The following SNTG1 variants were observed in gnomAD, a reference collection of about 807,000 sequenced individuals.
SNTG1 encodes the protein gamma-1-syntrophin.
In SNTG1, 39 loss-of-function variants were observed where a neutral mutation model predicts 74.7. The observed-to-expected ratio is 0.52, with a 90% CI of 0.40 to 0.68. The LOEUF is 0.68. SNTG1 is among the 30% of genes least tolerant of loss of function. The probability of loss-of-function intolerance (pLI) is 0.00; values close to 1 mark genes in which losing one functional copy is unlikely to be tolerated. For missense variants in SNTG1, 685 were observed against 609.5 expected (o/e 1.12, Z -1.30); for synonymous variants, 254 against 217.1 (o/e 1.17, Z -1.49).
chr8:50,698,372 A>C (rs1025589873), intron 15 of SNTG1, among the ~76,000 whole-genome samples: 6 of 152,124 alleles, frequency 3.9e-5, no homozygotes, highest in African/African-American at 1.2e-4. Context: ...TCACTTAGTT[A>C]GTGCAGTTTA....
chr8:50,188,163 T>C (rs1351076981), intron 2 of SNTG1, among the ~76,000 whole-genome samples: 1 of 152,156 alleles, frequency 6.6e-6, no homozygotes, highest in Non-Finnish European at 1.5e-5. Flanking sequence ...CTTTATGGTG[T>C]TCCATTCAGT....
chr8:50,195,163 G>T (rs1436044913), intron 2 of SNTG1, among the ~76,000 whole-genome samples: 1 of 152,076 alleles, frequency 6.6e-6, no homozygotes, highest in Non-Finnish European at 1.5e-5. Context: ...CACTGGAGTT[G>T]TGTACCTGGA....
In SNTG1 at chr8:50,796,387, T is replaced by C. The variant is rs997692978; in HGVS notation, c.*3558T>C. 1.3e-5 allele frequency: 2 copies of C among 151,992 alleles called. No individual in the cohort carries two copies. Among genetic ancestry groups the C allele is most frequent in the African/African-American group, 4.8e-5 (2 of 41,440 alleles). The allele number at this position is 151,992 out of a possible 1,614,324, so 9.4% of individuals were successfully genotyped here. ...AAAATTGTTCTTTATTGTTTATTCT[T>C]ACTACCGAATACTTTAAAATCATAA... On this transcript the variant is annotated 3_prime_UTR_variant, in exon 19 of 19. Coordinates refer to ENST00000642720, the MANE Select transcript of SNTG1 (RefSeq NM_018967.5).
At chr8:50,338,919 T>C (rs2091236122) in intron 2 of SNTG1, among the ~76,000 whole-genome samples, 1 of 152,018 alleles carries the variant, frequency 6.6e-6, no homozygotes, top group Non-Finnish European at 1.5e-5. Flanking sequence ...GGTACCAAAC[T>C]TCAGATACTG....
chr8:49,959,446 C>G (rs1467042620), intron 1 of SNTG1, among the ~76,000 whole-genome samples: 2 of 149,644 alleles, frequency 1.3e-5, no homozygotes, highest in African/African-American at 4.9e-5. Flanking sequence ...AGCAGTCACT[C>G]CCCACTGCCC....
At chr8:50,109,835 C>T (rs1000330447) in intron 1 of SNTG1, among the ~76,000 whole-genome samples, 14 of 152,102 alleles carry the variant, frequency 9.2e-5, no homozygotes, top group African/African-American at 2.2e-4. Flanking sequence ...GCCAGTGTGC[C>T]GGCAACAGCC....
At chr8:49,943,099 C>A (rs959838474) in intron 1 of SNTG1, among the ~76,000 whole-genome samples, 1 of 152,174 alleles carries the variant, frequency 6.6e-6, no homozygotes, top group African/African-American at 2.4e-5. Context: ...TAATGCAATA[C>A]TCCTTTATTT....
chr8:50,457,681 G>A (rs1039407482), intron 8 of SNTG1, among the ~76,000 whole-genome samples: 2 of 152,134 alleles, frequency 1.3e-5, no homozygotes, highest in Non-Finnish European at 2.9e-5. Context: ...GAATCCTGAA[G>A]GGCCAAGGGG....
intron 1 of SNTG1, among the ~76,000 whole-genome samples, chr8:49,986,179 G>A (rs1454369045): frequency 2.0e-5 from 3 of 152,088 alleles, no homozygotes; most frequent in Non-Finnish European, 4.4e-5. Flanking sequence ...AAATAAAAAA[G>A]GGGAAAAATA....
intron 2 of SNTG1, among the ~76,000 whole-genome samples, chr8:50,255,297 C>T (rs1032100491): frequency 6.6e-6 from 1 of 152,158 alleles, no homozygotes; most frequent in African/African-American, 2.4e-5. Flanking sequence ...GTTTCCTTAA[C>T]TCTAGTAAGT....
chr8:50,483,913 T>A (rs2093761335), intron 8 of SNTG1, among the ~76,000 whole-genome samples: 1 of 152,170 alleles, frequency 6.6e-6, no homozygotes, highest in South Asian at 2.1e-4. Flanking sequence ...TACTTAAATG[T>A]GGTACATAGT....
At chr8:50,593,711 T>C (rs1048024515) in intron 13 of SNTG1, among the ~76,000 whole-genome samples, 1 of 151,166 alleles carries the variant, frequency 6.6e-6, no homozygotes, top group Non-Finnish European at 1.5e-5. Flanking sequence ...AGATTCTGAT[T>C]TGGTTCTTTT....
chr8:50,366,409 C>T (rs1009612553), intron 2 of SNTG1, among the ~76,000 whole-genome samples: 31 of 152,014 alleles, frequency 2.0e-4, no homozygotes, highest in Non-Finnish European at 3.5e-4. Flanking sequence ...CCTTGACTAT[C>T]TTTATCAGAA....
Position 49,996,769 on chromosome 8 carries a change from T to C in SNTG1, c.-103+84538T>C, listed in dbSNP as rs1814261808. Among the ~76,000 whole-genome samples, 3 of 152,110 alleles carry C rather than the reference T, an allele frequency of 2.0e-5. 1 individual carries two copies. In the South Asian group the frequency reaches 6.2e-4, roughly 31 times the overall value. On this transcript the variant is annotated intron_variant, in intron 1 of 18. Coordinates refer to ENST00000642720, the MANE Select transcript of SNTG1 (RefSeq NM_018967.5). Reference sequence around the variant, plus strand: ...TTTCACAGACCTTGAATTTTTAACATCCCGGACCTTCATATTAACAAGGAA... The same window carrying C: ...TTTCACAGACCTTGAATTTTTAACACCCCGGACCTTCATATTAACAAGGAA...
chr8:50,396,754 A>G (rs2092733291), intron 3 of SNTG1, among the ~76,000 whole-genome samples: 1 of 152,188 alleles, frequency 6.6e-6, no homozygotes, highest in Admixed American at 6.5e-5. Flanking sequence ...CATTTTGTAC[A>G]TTTTGAAAGA....
chr8:50,054,156 G>A (rs1267448309), intron 1 of SNTG1, among the ~76,000 whole-genome samples: 1 of 152,032 alleles, frequency 6.6e-6, no homozygotes, highest in African/African-American at 2.4e-5. Flanking sequence ...GGTCTCTGAT[G>A]AGTTGATGAT....
chr8:50,309,938 A>C (rs2090042567), intron 2 of SNTG1, among the ~76,000 whole-genome samples: 1 of 152,242 alleles, frequency 6.6e-6, no homozygotes, highest in South Asian at 2.1e-4. Context: ...ATTGTGTTTT[A>C]ACTTCTGTGG....
intron 4 of SNTG1, among the ~76,000 whole-genome samples, chr8:50,423,758 T>C (rs1368045330): frequency 6.6e-6 from 1 of 151,892 alleles, no homozygotes; most frequent in Non-Finnish European, 1.5e-5. Context: ...ATAAAGCAAA[T>C]GAGAGATGTA....
At chr8:50,283,086 G>GA (rs1208410971) in intron 2 of SNTG1, among the ~76,000 whole-genome samples, 1 of 152,114 alleles carries the variant, frequency 6.6e-6, no homozygotes, top group Non-Finnish European at 1.5e-5. Context: ...AAAAGAAAGG[G>GA]AAAAATGTTT....
Sources: gnomAD v4.1 joint callset for allele counts (sites outside exome capture counted in the v4.1 genomes callset) on GRCh38, gnomAD v4.1.1 for gene constraint, MANE v1.5 for transcripts, NCBI Gene and HGNC (gene_info 2026-07-23, HGNC 2026-07-21) for gene names.